CHRNA3: variants seen among roughly 807,000 people sequenced by gnomAD.
CHRNA3 encodes the protein neuronal acetylcholine receptor subunit alpha-3.
CHRNA3 carries 34 observed loss-of-function variants against 41.9 expected under a neutral mutation model. The observed-to-expected ratio is 0.81, with a 90% confidence interval of 0.62 to 1.08. CHRNA3 has a LOEUF of 1.08. Ranked by LOEUF, CHRNA3 falls within the 50% of genes least tolerant of loss-of-function variation. The pLI is 0.00. For synonymous variants in CHRNA3, 281 were observed against 265.2 expected, an observed-to-expected ratio of 1.06 and a Z score of -0.58; for missense variants, 542 against 638.3, an observed-to-expected ratio of 0.85 and a Z score of 1.63.
chr15:78,599,150 A>T (rs1001730569), intron 5 of CHRNA3, among the ~76,000 whole-genome samples: 3 of 151,432 alleles, frequency 2.0e-5, no homozygotes, highest in Non-Finnish European at 2.9e-5. Flanking sequence ...TGATTTTTAA[A>T]TTTTTTTTGT....
At position 78,618,242 on chromosome 15, in the gene CHRNA3, G is replaced by A. The variant is rs142383572; in HGVS notation, c.267+375C>T. 5.3e-3 allele frequency: 1,229 copies of A among 231,200 alleles called. 28 individuals are homozygous for A. The highest frequency in any genetic ancestry group is 0.038 in the East Asian group (340 of 8,928). The allele number at this position is 231,200 out of a possible 1,614,324, so 14.3% of individuals were successfully genotyped here. A position where few individuals can be genotyped will look rare whatever the true frequency, so the allele number is the denominator to read the frequency against. On this transcript the variant is annotated intron_variant, in intron 3 of 5. Coordinates refer to ENST00000326828, the MANE Select transcript of CHRNA3 (RefSeq NM_000743.5). ...GGCCTGGGTGACAGAGCGAGATCCC[G>A]TCTGGAAAAAAAACTGAGTTTTTAG...
Position 78,595,339 on chromosome 15 carries a change from G to T in CHRNA3, c.*1265C>A, listed in dbSNP as rs1177686502. ...TTCTGTCCATTTTATTTTTGCACAG[G>T]AAAAACTAGTGAGACAAGATTCAAA... On this transcript the variant is annotated 3_prime_UTR_variant, in exon 6 of 6. Coordinates refer to ENST00000326828, the MANE Select transcript of CHRNA3 (RefSeq NM_000743.5). 1.0e-6 allele frequency: 1 copy of T among 975,920 alleles called. No homozygotes were observed. Among genetic ancestry groups the T allele is most frequent in the African/African-American group, 1.9e-5 (1 of 53,508 alleles). 60.5% of individuals were successfully genotyped at this position (975,920 alleles called of 1,614,324 possible).
chr15:78,617,256 T>C (rs1006534503), intron 3 of CHRNA3, 123 bp from the exon 4 acceptor site: 1 of 651,258 alleles, frequency 1.5e-6, no homozygotes, highest in Non-Finnish European at 2.7e-6. Context: ...ACCACATCCA[T>C]GCCATGATCA....
chr15:78,614,036 A>C (rs1360527027), intron 4 of CHRNA3, among the ~76,000 whole-genome samples: 1 of 152,138 alleles, frequency 6.6e-6, no homozygotes, highest in African/African-American at 2.4e-5. Context: ...AGAGAACATG[A>C]GTTGGATGAT....
rs12907519 is a variant in CHRNA3 at position 78,620,702 on chromosome 15, T to C, written c.82+11A>G. On this transcript the variant is annotated intron_variant, in intron 1 of 5. Transcript: ENST00000326828. ...CCCGTCCCTCCGGAGCCCTAACGCCTGTGCGCGTACCTGGCAGCAGAGACA... is the reference window on the plus strand; with the variant it reads ...CCCGTCCCTCCGGAGCCCTAACGCCCGTGCGCGTACCTGGCAGCAGAGACA... 102,150 of 1,503,722 alleles carry C rather than the reference T, an allele frequency of 0.068. 6,204 individuals are homozygous for C. Among genetic ancestry groups the C allele is most frequent in the East Asian group, 0.32 (11,592 of 35,998 alleles). 93.1% of individuals were successfully genotyped at this position (1,503,722 alleles called of 1,614,324 possible).
At chr15:78,618,230 G>A (rs1014416483) in intron 3 of CHRNA3, 4 of 239,352 alleles carry the variant, frequency 1.7e-5, no homozygotes, top group Non-Finnish European at 3.3e-5. Flanking sequence ...CTGGGTGACA[G>A]AGCGAGATCC....
Position 78,618,618 on chromosome 15 carries a change from T to C in CHRNA3, c.266A>G (p.Gln89Arg). 6.2e-7 allele frequency: 1 copy of C among 1,614,156 alleles called. No individual in the cohort carries two copies. The highest frequency in any genetic ancestry group is 1.1e-5 in the South Asian group (1 of 91,080). Reference sequence around the variant, plus strand: ...AGTGCCTAGGGTCTGGTCACTTACTTGCTTGAGCCACAGGTTGGTCTCCAT... The same window carrying C: ...AGTGCCTAGGGTCTGGTCACTTACTCGCTTGAGCCACAGGTTGGTCTCCAT... ...QIMETNLWLK[Q>R]IWNDYKLKWN... The change falls in exon 3 of 6, where the codon CAA becomes CGA. Residue 89 changes from glutamine (Q) to arginine (R), a missense_variant and splice_region_variant. Transcript: ENST00000326828.
In CHRNA3 at chr15:78,595,934, G is replaced by T; in HGVS notation, c.*670C>A. On this transcript the variant is annotated 3_prime_UTR_variant, in exon 6 of 6. Coordinates refer to ENST00000326828, the MANE Select transcript of CHRNA3 (RefSeq NM_000743.5). ...ACCCTCACCAGACACCAAATTTGCT[G>T]GTGCCTTGACCTTGGACCTCCCAAC... 3 of 448,810 alleles carry T rather than the reference G, an allele frequency of 6.7e-6. No individual in the cohort carries two copies. Among genetic ancestry groups the T allele is most frequent in the African/African-American group, 2.1e-5 (1 of 46,512 alleles). The allele number at this position is 448,810 out of a possible 1,614,324, so 27.8% of individuals were successfully genotyped here.
intron 5 of CHRNA3, among the ~76,000 whole-genome samples, chr15:78,598,958 C>T (rs141300598): frequency 0.011 from 1,642 of 151,746 alleles, 44 homozygotes; most frequent in African/African-American, 0.037. Flanking sequence ...CTCAGACTCC[C>T]GAGTAGCTAA....
intron 4 of CHRNA3, among the ~76,000 whole-genome samples, chr15:78,610,773 T>C (rs975411287): frequency 2.0e-5 from 3 of 151,714 alleles, no homozygotes; most frequent in Admixed American, 2.0e-4. Context: ...TTCAAAAAAT[T>C]AATGAATCCA....
intron 4 of CHRNA3, among the ~76,000 whole-genome samples, chr15:78,614,702 A>G (rs2053436141): frequency 6.6e-6 from 1 of 152,248 alleles, no homozygotes. Flanking sequence ...TTTGCTGAAA[A>G]TGTTTAAATG....
At chr15:78,612,162 A>G (rs2053389417) in intron 4 of CHRNA3, among the ~76,000 whole-genome samples, 1 of 152,250 alleles carries the variant, frequency 6.6e-6, no homozygotes. Flanking sequence ...TATAGATTCA[A>G]TGCCATCCCC....
intron 5 of CHRNA3, 139 bp downstream of exon 5, chr15:78,601,114 C>T: frequency 1.3e-6 from 1 of 741,564 alleles, no homozygotes; most frequent in Non-Finnish European, 2.3e-6. Flanking sequence ...TACCCAAGGA[C>T]ATATAACTGG....
At chr15:78,619,925 T>C (rs2053523135) in intron 1 of CHRNA3, 1 of 152,262 alleles carries the variant, frequency 6.6e-6, no homozygotes, top group Non-Finnish European at 1.5e-5. Flanking sequence ...CGTATGGCGT[T>C]CTGAGTAGTG....
intron 4 of CHRNA3, among the ~76,000 whole-genome samples, chr15:78,603,129 T>C (rs1342959596): frequency 6.6e-6 from 1 of 152,232 alleles, no homozygotes; most frequent in African/African-American, 2.4e-5. Context: ...AGTCTCCTGC[T>C]CAGCCTCCTG....
chr15:78,618,322 CTTCAATCTCAGG>C, intron 3 of CHRNA3: 1 of 373,870 alleles, frequency 2.7e-6, no homozygotes, highest in South Asian at 4.1e-5. Context: ...GGGGGCAGGG[CTTCAATCTCAGG>C]TTCGTACTCT....
chr15:78,598,419 G>A (rs1376435703), intron 5 of CHRNA3, among the ~76,000 whole-genome samples: 1 of 150,810 alleles, frequency 6.6e-6, no homozygotes, highest in African/African-American at 2.4e-5. Context: ...TTTTGAGACA[G>A]GGTCTTGCTT....
At chr15:78,617,693 T>C (rs144697575) in intron 3 of CHRNA3, among the ~76,000 whole-genome samples, 1,860 of 152,198 alleles carry the variant, frequency 0.012, 39 homozygotes, top group African/African-American at 0.041. Context: ...AGAGGGAACG[T>C]GTGCATCAAG....
chr15:78,610,123 T>C (rs1596079400), intron 4 of CHRNA3, among the ~76,000 whole-genome samples: 1 of 152,088 alleles, frequency 6.6e-6, no homozygotes, highest in Non-Finnish European at 1.5e-5. Context: ...CACACAATAA[T>C]AATGGGAGAC....
Sources: allele counts gnomAD v4.1 joint callset (sites outside exome capture counted in the v4.1 genomes callset), GRCh38; gene constraint gnomAD v4.1.1; transcripts MANE v1.5; gene names NCBI Gene and HGNC (gene_info 2026-07-23, HGNC 2026-07-21).